The following BCKDHB variants were observed in gnomAD, a reference collection of about 807,000 sequenced individuals.
BCKDHB encodes the protein branched chain keto acid dehydrogenase E1 subunit beta, also known as 2-oxoisovalerate dehydrogenase subunit beta, mitochondrial.
Under a neutral mutation model 48.5 loss-of-function variants are expected in BCKDHB, and 41 were observed. The ratio of observed to expected loss-of-function variants is 0.85; its 90% CI spans 0.66 to 1.10. The LOEUF is 1.10. BCKDHB is among the 50% of genes least tolerant of loss of function. The pLI, the probability that BCKDHB is intolerant of heterozygous loss-of-function variation, is 0.00. For synonymous variants in BCKDHB, 201 were observed against 174.8 expected (o/e 1.15, Z -1.18); for missense variants, 496 against 494.2 (o/e 1.00, Z -0.03).
At chr6:80,149,550 T>A (rs1276662990) in intron 3 of BCKDHB, among the ~76,000 whole-genome samples, 2 of 151,698 alleles carry the variant, frequency 1.3e-5, no homozygotes, top group Non-Finnish European at 2.9e-5. Flanking sequence ...GCAGCACTAT[T>A]CACAATAGCA....
chr6:80,372,476 C>T, the BCKDHB span, among the ~76,000 whole-genome samples: 5 of 152,084 alleles, frequency 3.3e-5, no homozygotes, highest in African/African-American at 4.8e-5. Flanking sequence ...CTAGGACTTT[C>T]AGTACTATGT....
At chr6:80,419,657 T>C in the BCKDHB span, among the ~76,000 whole-genome samples, 1 of 152,164 alleles carries the variant, frequency 6.6e-6, no homozygotes, top group Non-Finnish European at 1.5e-5. Flanking sequence ...AACTGATGTG[T>C]CTGTGGTGTT....
the BCKDHB span, among the ~76,000 whole-genome samples, chr6:80,380,840 T>C: frequency 6.6e-6 from 1 of 151,970 alleles, no homozygotes; most frequent in Admixed American, 6.6e-5. Context: ...AATTTCGTGT[T>C]CAGATTTTTT....
rs189909566 is a variant in BCKDHB, at chr6:80,171,022, A to G, written c.634-260A>G. Among the ~76,000 whole-genome samples, 430 of 152,114 alleles carry G rather than the reference A, an allele frequency of 2.8e-3. 2 individuals are homozygous for G. Among genetic ancestry groups the G allele is most frequent in the African/African-American group, 9.3e-3 (386 of 41,520 alleles). ...TGCATATTCTTTTTATTTTTTTTAT[A>G]TAGGCAAGTTTAGCTTCTTAAGAGT... On this transcript the variant is annotated intron_variant, in intron 5 of 9. Coordinates refer to ENST00000320393, the MANE Select transcript of BCKDHB (RefSeq NM_183050.4).
At chr6:80,363,340 G>A in the BCKDHB span, among the ~76,000 whole-genome samples, 1 of 152,106 alleles carries the variant, frequency 6.6e-6, no homozygotes, top group Non-Finnish European at 1.5e-5. Context: ...TTTCTGAAAC[G>A]ACTGAGATTA....
At chr6:80,373,895 T>C in the BCKDHB span, 3 of 396,254 alleles carry the variant, frequency 7.6e-6, no homozygotes, top group Non-Finnish European at 1.4e-5. Context: ...TTTATGTGAA[T>C]CCTTATGTGT....
intron 9 of BCKDHB, among the ~76,000 whole-genome samples, chr6:80,289,517 G>A (rs1483649940): frequency 1.3e-5 from 2 of 152,052 alleles, no homozygotes; most frequent in Non-Finnish European, 2.9e-5. Context: ...GAGAGAAAAT[G>A]CTCAGATTGG....
At chr6:80,328,214 C>A (rs1293841652) in intron 9 of BCKDHB, among the ~76,000 whole-genome samples, 1 of 152,178 alleles carries the variant, frequency 6.6e-6, no homozygotes, top group Non-Finnish European at 1.5e-5. Flanking sequence ...TGCTTTGTGC[C>A]AGACATTGCA....
intron 8 of BCKDHB, among the ~76,000 whole-genome samples, chr6:80,223,001 T>A (rs749783646): frequency 1.4e-4 from 21 of 152,166 alleles, no homozygotes; most frequent in Admixed American, 6.6e-4. Context: ...AAGGTAGGGA[T>A]GTTGGCAAGA....
chr6:80,293,773 T>C (rs2127986450), intron 9 of BCKDHB, among the ~76,000 whole-genome samples: 1 of 152,348 alleles, frequency 6.6e-6, no homozygotes, highest in Middle Eastern at 3.4e-3. Flanking sequence ...ACCTCTTGAA[T>C]GCTTTGCTGC....
intron 6 of BCKDHB, among the ~76,000 whole-genome samples, chr6:80,177,699 T>A (rs1037401737): frequency 6.6e-6 from 1 of 152,188 alleles, no homozygotes; most frequent in Non-Finnish European, 1.5e-5. Flanking sequence ...CCTCCTGTAG[T>A]ACTATCAAGG....
the BCKDHB span, among the ~76,000 whole-genome samples, chr6:80,393,218 A>T: frequency 6.6e-6 from 1 of 152,158 alleles, no homozygotes; most frequent in African/African-American, 2.4e-5. Flanking sequence ...ACTAATTCAT[A>T]CCCAAATTCT....
At chr6:80,166,265 T>G (rs1348972831) in intron 3 of BCKDHB, among the ~76,000 whole-genome samples, 2 of 152,214 alleles carry the variant, frequency 1.3e-5, no homozygotes, top group Non-Finnish European at 2.9e-5. Context: ...ATAAGATATT[T>G]TGTATAGTTT....
At chr6:80,113,262 C>T (rs557665320) in intron 1 of BCKDHB, among the ~76,000 whole-genome samples, 1 of 152,214 alleles carries the variant, frequency 6.6e-6, no homozygotes, top group Non-Finnish European at 1.5e-5. Flanking sequence ...TCTCCTTCCC[C>T]CTCCTGGTAT....
chr6:80,176,781 C>T (rs772239099), intron 6 of BCKDHB, among the ~76,000 whole-genome samples: 7 of 152,168 alleles, frequency 4.6e-5, no homozygotes, highest in Non-Finnish European at 1.0e-4. Context: ...ACAAAATCCT[C>T]TCTGGAGTCA....
At chr6:80,407,490 C>T in the BCKDHB span, among the ~76,000 whole-genome samples, 1 of 152,158 alleles carries the variant, frequency 6.6e-6, no homozygotes, top group Non-Finnish European at 1.5e-5. Flanking sequence ...TATCCATGAG[C>T]ATGAAATGTT....
chr6:80,354,238 TA>T, the BCKDHB span, among the ~76,000 whole-genome samples: 1 of 143,924 alleles, frequency 6.9e-6, no homozygotes, highest in Non-Finnish European at 1.5e-5. Context: ...TTTATTTATT[TA>T]TTTTTTTATA....
intron 6 of BCKDHB, among the ~76,000 whole-genome samples, chr6:80,193,429 A>C (rs1273078751): frequency 6.6e-6 from 1 of 152,142 alleles, no homozygotes; most frequent in African/African-American, 2.4e-5. Context: ...CAGTTTAAGA[A>C]GTCTCCTGGC....
At chr6:80,251,866 G>T (rs1776852683) in intron 8 of BCKDHB, 1 of 152,118 alleles carries the variant, frequency 6.6e-6, no homozygotes, top group South Asian at 2.1e-4. Context: ...ATTTTTTATT[G>T]AGTTATTAAC....
Sources: allele counts gnomAD v4.1 joint callset (sites outside exome capture counted in the v4.1 genomes callset), GRCh38; gene constraint gnomAD v4.1.1; transcripts MANE v1.5; gene names NCBI Gene and HGNC (gene_info 2026-07-23, HGNC 2026-07-21).